OTOF: variants seen among roughly 807,000 people sequenced by gnomAD.
The protein encoded by OTOF is otoferlin.
Under a neutral mutation model 236.8 loss-of-function variants are expected in OTOF, and 218 were observed. The ratio of observed to expected loss-of-function variants is 0.92; its 90% confidence interval spans 0.82 to 1.03. The LOEUF (loss-of-function observed/expected upper bound fraction) is 1.03. Among genes scored for constraint, OTOF ranks in the 50% least tolerant of loss-of-function variants. The probability of loss-of-function intolerance (pLI) is 0.00; values close to 1 mark genes in which losing one functional copy is unlikely to be tolerated. For synonymous variants in OTOF, 1,041 were observed against 1,072.5 expected (o/e 0.97, Z 0.57); for missense variants, 2,590 against 2,694.4 (o/e 0.96, Z 0.86).
intron 1 of OTOF, among the ~76,000 whole-genome samples, chr2:26,554,146 C>T (rs1437895707): frequency 8.0e-6 from 1 of 125,264 alleles, no homozygotes; most frequent in African/African-American, 3.0e-5. Flanking sequence ...GCACTCCAGC[C>T]TGGCGACAGA....
chr2:26,525,129 G>A (rs1420880928), intron 3 of OTOF, among the ~76,000 whole-genome samples: 1 of 152,228 alleles, frequency 6.6e-6, no homozygotes, highest in African/African-American at 2.4e-5. Flanking sequence ...AACCTTGCTT[G>A]TGGGTGCCAA....
chr2:26,467,269 G>A, intron 34 of OTOF, 36 bp from the exon 35 acceptor site: 2 of 1,614,034 alleles, frequency 1.2e-6, no homozygotes, highest in Non-Finnish European at 1.7e-6. Flanking sequence ...GCGGCTGCCT[G>A]GTCTCTGGCT....
At chr2:26,516,169 G>C (rs1402255747) in intron 5 of OTOF, among the ~76,000 whole-genome samples, 3 of 152,204 alleles carry the variant, frequency 2.0e-5, no homozygotes, top group Non-Finnish European at 4.4e-5. Context: ...CCTCCCTCAG[G>C]GCCACTGGGG....
chr2:26,473,736 G>A lies in OTOF; in HGVS notation c.3409-169C>T, dbSNP rs561414269. 6.1e-4 allele frequency among the ~76,000 whole-genome samples: 93 copies of A among 152,238 alleles called. No homozygotes were observed. Among genetic ancestry groups the A allele is most frequent in the East Asian group, 1.2e-3 (6 of 5,180 alleles). ...CCAGGAGAGCAGAGGAGGGGCAGGC[G>A]TTCTCCAGGGATGAGGGTGGGGCTG... On this transcript the variant is annotated intron_variant, in intron 27 of 46. Transcript: ENST00000272371. The surrounding 1 kb of genome is among the most constrained non-coding windows in gnomAD (Gnocchi z 7.2).
chr2:26,472,099 A>C (rs1325230102), intron 30 of OTOF, among the ~76,000 whole-genome samples: 1 of 151,306 alleles, frequency 6.6e-6, no homozygotes, highest in Non-Finnish European at 1.5e-5. Flanking sequence ...TACACCACAC[A>C]TGCATGCACA....
chr2:26,459,886 T>C, intron 46 of OTOF, 122 bp downstream of exon 46: 1 of 944,472 alleles, frequency 1.1e-6, no homozygotes, highest in South Asian at 1.5e-5. Flanking sequence ...GCATACATGC[T>C]TGTGTGTGTT....
chr2:26,509,450 C>G (rs1464036746), intron 5 of OTOF, among the ~76,000 whole-genome samples: 1 of 152,214 alleles, frequency 6.6e-6, no homozygotes, highest in African/African-American at 2.4e-5. Context: ...TCCTCCATCA[C>G]TACAGAGTTA....
At chr2:26,475,670 T>G (rs957229936) in intron 24 of OTOF, among the ~76,000 whole-genome samples, 177 bp from the exon 25 acceptor site, 2 of 152,170 alleles carry the variant, frequency 1.3e-5, no homozygotes, top group Non-Finnish European at 2.9e-5. Context: ...CCAAGCCCCC[T>G]GCCAATGTCC....
intron 9 of OTOF, among the ~76,000 whole-genome samples, chr2:26,492,252 G>A (rs541929631): frequency 6.6e-6 from 1 of 152,254 alleles, no homozygotes; most frequent in Non-Finnish European, 1.5e-5. Context: ...GTTGCTATTG[G>A]CATCTACTGG....
At chr2:26,520,322 G>A (rs1161648660) in intron 3 of OTOF, among the ~76,000 whole-genome samples, 1 of 152,204 alleles carries the variant, frequency 6.6e-6, no homozygotes, top group Non-Finnish European at 1.5e-5. Context: ...CTAATTAATG[G>A]TAGATCTGGG....
chr2:26,517,119 G>A (rs1000179158), intron 4 of OTOF, among the ~76,000 whole-genome samples: 80 of 152,282 alleles, frequency 5.3e-4, no homozygotes, highest in African/African-American at 1.9e-3. Context: ...CCCTGGAGAG[G>A]GAGGGAATCT....
At chr2:26,475,165 G>C (rs1281702056) in intron 25 of OTOF, among the ~76,000 whole-genome samples, 194 bp downstream of exon 25, 2 of 152,090 alleles carry the variant, frequency 1.3e-5, no homozygotes, top group Admixed American at 1.3e-4. Context: ...GCCTGGGAAG[G>C]GGTCAGGCTG....
intron 4 of OTOF, among the ~76,000 whole-genome samples, chr2:26,518,377 A>G (rs1443556556): frequency 6.6e-6 from 1 of 152,246 alleles, no homozygotes; most frequent in East Asian, 1.9e-4. Flanking sequence ...GTTAGTGAGC[A>G]GCCTAAGATT....
At position 26,480,790 on chromosome 2, in the gene OTOF, G is replaced by T. The variant is rs759149660; in HGVS notation, c.1799C>A (p.Ser600Ter). Residue 600 changes from serine to a stop codon, truncating the protein, a stop_gained, in exon 15 of 47, where the codon TCG (serine) becomes TAG (stop). Transcript: ENST00000272371. LOFTEE classifies it high-confidence loss of function. ...EVQVEQATPI[S>*]ESCAGKMEEF... is the part of the protein sequence containing the mutation. ...GCACAGTGCCTGGGGTCTCACCTCC[G>T]AGATGGGCGTGGCCTGCTCCACCTG... 6.2e-7 allele frequency: 1 copy of T among 1,611,650 alleles called. No individual in the cohort carries two copies. Among genetic ancestry groups the T allele is most frequent in the Non-Finnish European group, 8.5e-7 (1 of 1,179,586 alleles).
At chr2:26,531,059 CA>C (rs1250258042) in intron 2 of OTOF, among the ~76,000 whole-genome samples, 8 of 152,188 alleles carry the variant, frequency 5.3e-5, no homozygotes, top group Non-Finnish European at 1.0e-4. Flanking sequence ...GGCTCCTCTA[CA>C]GCTCCCTGAA....
chr2:26,527,751 CCAAA>C, intron 3 of OTOF, 77 bp downstream of exon 3: 1 of 1,048,912 alleles, frequency 9.5e-7, no homozygotes, highest in South Asian at 1.3e-5. Flanking sequence ...TTTTTAAGCC[CCAAA>C]CAGAGGGTAG....
At chr2:26,525,661 A>AGATG (rs113257463) in intron 3 of OTOF, among the ~76,000 whole-genome samples, 183 of 152,290 alleles carry the variant, frequency 1.2e-3, no homozygotes, top group African/African-American at 4.0e-3. Flanking sequence ...TTGGGTGAAA[A>AGATG]GATGGATGGA....
At chr2:26,549,813 G>C (rs555680922) in intron 1 of OTOF, among the ~76,000 whole-genome samples, 11 of 152,244 alleles carry the variant, frequency 7.2e-5, no homozygotes, top group African/African-American at 2.6e-4. Context: ...GACTGAAAGC[G>C]CTGGTTCCCA....
chr2:26,494,663 G>GT lies in OTOF; in HGVS notation c.897+278_897+279insA, dbSNP rs150805853. On this transcript the variant is annotated intron_variant, in intron 9 of 46. Coordinates refer to ENST00000272371, the MANE Select transcript of OTOF (RefSeq NM_194248.3). ...GCCTCTTGGGGAGTGGGGTGGGGGG[G>GT]GGTTCTTTCACAGGCACTGCTGGGG... 0.097 allele frequency among the ~76,000 whole-genome samples: 13,846 copies of GT among 142,540 alleles called. 834 individuals are homozygous for GT. Among genetic ancestry groups the GT allele is most frequent in the Non-Finnish European group, 0.11 (7,399 of 65,498 alleles). The allele number at this position is 142,540 out of a possible 152,430, so 93.5% of individuals were successfully genotyped here.
Sources: gnomAD v4.1 joint callset for allele counts (sites outside exome capture counted in the v4.1 genomes callset) on GRCh38, gnomAD v4.1.1 for gene constraint, Gnocchi (gnomAD v3.1) non-coding constraint, MANE v1.5 for transcripts, NCBI Gene and HGNC (gene_info 2026-07-23, HGNC 2026-07-21) for gene names.